DNM3: variants seen among roughly 807,000 people sequenced by gnomAD.
The protein encoded by DNM3 is dynamin 3.
Under a neutral mutation model 101.6 loss-of-function variants are expected in DNM3, and 47 were observed. That is an observed-to-expected ratio of 0.46 (90% CI 0.37 to 0.59). The LOEUF is 0.59. DNM3 is among the 20% of genes least tolerant of loss of function. The pLI, the probability that DNM3 is intolerant of heterozygous loss-of-function variation, is 0.00. For synonymous variants in DNM3, 385 were observed against 387.9 expected, an observed-to-expected ratio of 0.99 and a Z score of 0.09; for missense variants, 849 against 1,085.7, an observed-to-expected ratio of 0.78 and a Z score of 3.06.
intron 2 of DNM3, among the ~76,000 whole-genome samples, chr1:171,963,699 T>TAAAAAAAAAAAA (rs2043370233): frequency 6.6e-6 from 1 of 151,110 alleles, no homozygotes. Context: ...GTCTTTTTTT[T>TAAAAAAAAAAAA]AAAAAGTGGT....
At chr1:172,181,019 T>TG (rs1396761928) in intron 14 of DNM3, among the ~76,000 whole-genome samples, 23 of 152,110 alleles carry the variant, frequency 1.5e-4, no homozygotes, top group African/African-American at 5.5e-4. Flanking sequence ...GCCACTCCGC[T>TG]GGGCTCTGGG....
At position 172,238,827 on chromosome 1, in the gene DNM3, A is replaced by G. The variant is rs541429392; in HGVS notation, c.1660-14746A>G. On this transcript the variant is annotated intron_variant, in intron 14 of 20. Transcript: ENST00000627582. Reference sequence around the variant, plus strand: ...CCTGAATGGAAGACTTCAGGATAAGAAAAAAAAAAAACACCCTTTCCCACT... The same window carrying G: ...CCTGAATGGAAGACTTCAGGATAAGGAAAAAAAAAAACACCCTTTCCCACT... Among the ~76,000 whole-genome samples the G allele has an allele frequency of 4.6e-3, 664 of 144,992 alleles. 4 individuals carry two copies. The highest frequency in any genetic ancestry group is 6.4e-3 in the Non-Finnish European group (418 of 65,776).
At chr1:171,962,676 G>C (rs1016553137) in intron 2 of DNM3, among the ~76,000 whole-genome samples, 2 of 152,050 alleles carry the variant, frequency 1.3e-5, no homozygotes, top group East Asian at 1.9e-4. Context: ...AGATTCATGA[G>C]TACTCCCCTC....
chr1:172,032,588 T>C (rs1174550534), intron 5 of DNM3, 88 bp downstream of exon 5: 8 of 833,996 alleles, frequency 9.6e-6, no homozygotes, highest in Non-Finnish European at 1.2e-5. Flanking sequence ...GGGAAGCCAC[T>C]AGGAGGTTTG....
rs7524141 is a variant in DNM3 at position 172,374,695 on chromosome 1, C to T, written c.1894-4323C>T. On this transcript the variant is annotated intron_variant, in intron 17 of 20. Coordinates refer to ENST00000627582, the MANE Select transcript of DNM3 (RefSeq NM_015569.5). ...TATTTTGCTATGTAGTTTATTATGA[C>T]GGCCCATGCTGCTTTCATATTATTT... is the stretch of plus-strand genomic sequence containing the variant. 4.1e-3 allele frequency among the ~76,000 whole-genome samples: 620 copies of T among 152,060 alleles called. 6 individuals carry two copies. The highest frequency in any genetic ancestry group is 0.013 in the African/African-American group (533 of 41,502).
intron 10 of DNM3, among the ~76,000 whole-genome samples, chr1:172,065,874 T>C (rs1180093224): frequency 6.6e-6 from 1 of 152,240 alleles, no homozygotes; most frequent in African/African-American, 2.4e-5. Flanking sequence ...TTATAGTATC[T>C]GTGCAAATCT....
At position 172,308,745 on chromosome 1, in the gene DNM3, A is replaced by T; in HGVS notation, c.1787A>T (p.Tyr596Phe). Residue 596 changes from tyrosine (Y) to phenylalanine (F), a missense_variant, in exon 16 of 21, where the codon TAT becomes TTT. Coordinates refer to ENST00000627582, the MANE Select transcript of DNM3 (RefSeq NM_015569.5). ...AACTCCAGGAATGTATACAAAGACT[A>T]TCGCTTCCTTGAGCTGGCATGTGAT... ...NTEQRNVYKD[Y>F]RFLELACDSQ... The T allele has an allele frequency of 6.3e-7, 1 of 1,598,466 alleles. No homozygotes were observed. The highest frequency in any genetic ancestry group is 1.1e-5 in the South Asian group (1 of 87,790).
intron 14 of DNM3, among the ~76,000 whole-genome samples, chr1:172,191,345 T>C (rs2059716135): frequency 6.6e-6 from 1 of 152,230 alleles, no homozygotes; most frequent in Non-Finnish European, 1.5e-5. Flanking sequence ...GTATTATTTC[T>C]GAGGGCTCTA....
At chr1:171,859,497 A>T (rs2033959856) in intron 1 of DNM3, among the ~76,000 whole-genome samples, 1 of 152,198 alleles carries the variant, frequency 6.6e-6, no homozygotes, top group African/African-American at 2.4e-5. Context: ...TATTCAATGC[A>T]TTAATCTACA....
At chr1:171,855,925 T>C (rs559309104) in intron 1 of DNM3, among the ~76,000 whole-genome samples, 1 of 152,280 alleles carries the variant, frequency 6.6e-6, no homozygotes, top group Admixed American at 6.5e-5. Flanking sequence ...TTGGTGTCTT[T>C]GTTATGAAGT....
At chr1:172,036,968 A>G (rs2049015501) in intron 6 of DNM3, among the ~76,000 whole-genome samples, 1 of 141,338 alleles carries the variant, frequency 7.1e-6, no homozygotes, top group African/African-American at 2.5e-5. Flanking sequence ...AACTCCATCA[A>G]AAAGTGGGCA....
intron 18 of DNM3, among the ~76,000 whole-genome samples, chr1:172,385,898 A>T (rs191607454): frequency 6.6e-6 from 1 of 152,380 alleles, no homozygotes; most frequent in East Asian, 1.9e-4. Flanking sequence ...CTACTGTAAA[A>T]TAATGATACT....
At chr1:172,362,003 C>T (rs1205128739) in intron 17 of DNM3, among the ~76,000 whole-genome samples, 10 of 151,976 alleles carry the variant, frequency 6.6e-5, no homozygotes, top group Non-Finnish European at 1.5e-4. Context: ...ACATCTGTCC[C>T]TCACTTTTCC....
intron 1 of DNM3, among the ~76,000 whole-genome samples, chr1:171,853,326 G>C (rs2033197087): frequency 6.7e-6 from 1 of 149,998 alleles, no homozygotes; most frequent in Non-Finnish European, 1.5e-5. Context: ...ACCATGCTCA[G>C]CTAATTTTTA....
chr1:172,397,956 C>T (rs139656836), intron 20 of DNM3, among the ~76,000 whole-genome samples: 282 of 152,244 alleles, frequency 1.9e-3, no homozygotes, highest in African/African-American at 5.6e-3. Flanking sequence ...TAGAGGATTA[C>T]AAGTTATCTT....
At chr1:172,089,911 T>A (rs1312172986) in intron 12 of DNM3, among the ~76,000 whole-genome samples, 1 of 152,226 alleles carries the variant, frequency 6.6e-6, no homozygotes, top group Non-Finnish European at 1.5e-5. Flanking sequence ...CCCTCCTCTC[T>A]GTCTCTGTTT....
At chr1:172,002,645 C>T (rs1238162628) in intron 4 of DNM3, among the ~76,000 whole-genome samples, 2 of 151,904 alleles carry the variant, frequency 1.3e-5, no homozygotes, top group Non-Finnish European at 2.9e-5. Context: ...AACACATTAG[C>T]TTTATAGGCT....
intron 14 of DNM3, among the ~76,000 whole-genome samples, chr1:172,249,124 T>G (rs2062069611): frequency 6.6e-6 from 1 of 152,162 alleles, no homozygotes; most frequent in Non-Finnish European, 1.5e-5. Flanking sequence ...GCAGGAGCTA[T>G]TCCCCCACAC....
At chr1:171,979,249 G>C (rs545175805) in intron 2 of DNM3, among the ~76,000 whole-genome samples, 1 of 152,204 alleles carries the variant, frequency 6.6e-6, no homozygotes, top group African/African-American at 2.4e-5. Context: ...GCAACTTTTG[G>C]CCAAGTGCTC....
Sources: gnomAD v4.1 joint callset for allele counts (sites outside exome capture counted in the v4.1 genomes callset) on GRCh38, gnomAD v4.1.1 for gene constraint, MANE v1.5 for transcripts, NCBI Gene and HGNC (gene_info 2026-07-23, HGNC 2026-07-21) for gene names.